The following SNAPC4 variants were observed in gnomAD, a reference collection of about 807,000 sequenced individuals.
SNAPC4 encodes snRNA-activating protein complex subunit 4.
SNAPC4 carries 127 observed loss-of-function variants against 151.3 expected under a neutral mutation model. That is an observed-to-expected ratio of 0.84 (90% CI 0.73 to 0.97). SNAPC4 has a LOEUF of 0.97. Ranked by LOEUF, SNAPC4 falls within the 50% of genes least tolerant of loss-of-function variation. SNAPC4 has a pLI of 0.00. For synonymous variants in SNAPC4, 1,002 were observed against 824.4 expected (o/e 1.22, Z -3.69); for missense variants, 2,186 against 1,935.0 (o/e 1.13, Z -2.43).
chr9:136,397,399 G>C (rs1327759980), intron 2 of SNAPC4, among the ~76,000 whole-genome samples: 1 of 151,522 alleles, frequency 6.6e-6, no homozygotes, highest in Non-Finnish European at 1.5e-5. Flanking sequence ...CCTCACCACA[G>C]GAGAAAGATA....
intron 10 of SNAPC4, among the ~76,000 whole-genome samples, chr9:136,391,296 G>A (rs1388155325): frequency 6.6e-6 from 1 of 152,134 alleles, no homozygotes; most frequent in African/African-American, 2.4e-5. Flanking sequence ...TTTGAAAAAT[G>A]GAGATTTTAT....
rs149344930 is a variant in SNAPC4, at chr9:136,383,623, C to T, written c.1546G>A (p.Val516Ile). 365 of 1,611,308 alleles carry T rather than the reference C, an allele frequency of 2.3e-4. 1 individual carries two copies. Among genetic ancestry groups the T allele is most frequent in the South Asian group, 3.5e-4 (32 of 90,964 alleles). ...RRRRRRARHSVRWSSTSSSGS... is the reference protein window; with the variant it reads ...RRRRRRARHSIRWSSTSSSGS... The stretch of plus-strand genomic sequence containing the variant: ...CTGCTGCTGGTAGAGCTCCACCGGA[C>T]GCTGTGACGGGCCCTCCGCCGCCGC... The change falls in exon 16 of 24, where the codon GTC becomes ATC. Residue 516 changes from valine (V) to isoleucine (I), a missense_variant. Physicochemically the swap from Val to Ile is conservative, Grantham distance 29 (BLOSUM62 3). Coordinates refer to ENST00000684778, the MANE Select transcript of SNAPC4 (RefSeq NM_003086.4). The surrounding 1 kb of genome is among the most constrained non-coding windows in gnomAD (Gnocchi z 4.2).
intron 2 of SNAPC4, among the ~76,000 whole-genome samples, 181 bp from the exon 3 acceptor site, chr9:136,397,204 G>A (rs918644532): frequency 7.9e-5 from 12 of 152,158 alleles, no homozygotes; most frequent in Non-Finnish European, 1.0e-4. Flanking sequence ...GACCAAGGCC[G>A]GGTTAGCCAG....
rs201265450 is a variant in SNAPC4 at position 136,381,966 on chromosome 9, C to A, written c.2175G>T (p.Gln725His). 4 of 1,611,882 alleles carry A rather than the reference C, an allele frequency of 2.5e-6. No individual in the cohort carries two copies. The highest frequency in any genetic ancestry group is 3.4e-6 in the Non-Finnish European group (4 of 1,179,866). Residue 725 changes from glutamine to histidine, a missense_variant, in exon 18 of 24, where the codon CAG becomes CAT. Coordinates refer to ENST00000684778, the MANE Select transcript of SNAPC4 (RefSeq NM_003086.4). The part of the protein sequence containing the change: ...HVQWLRHRAT[Q>H]SGQRRWRHAL... The stretch of plus-strand genomic sequence containing the variant: ...CGTGTCTCCAGCGCCGCTGCCCACT[C>A]TGGGTGGCTCTGTGCCGTAGCCACT...
Position 136,376,491 on chromosome 9 carries a change from A to C in SNAPC4, c.4285-10T>G. On this transcript the variant is annotated splice_polypyrimidine_tract_variant and intron_variant, in intron 22 of 23. Transcript: ENST00000684778. Reference sequence around the variant, plus strand: ...CAGAGTCTGGGGCTCCCTGAAAGAAAATCCAGGCAGTGGGGACAAGAGTGA... The same window carrying C: ...CAGAGTCTGGGGCTCCCTGAAAGAACATCCAGGCAGTGGGGACAAGAGTGA... 1 of 1,612,812 alleles carries C rather than the reference A, an allele frequency of 6.2e-7. No individual in the cohort carries two copies. Among genetic ancestry groups the C allele is most frequent in the South Asian group, 1.1e-5 (1 of 91,058 alleles).
At chr9:136,376,554 T>A in intron 22 of SNAPC4, 73 bp from the exon 23 acceptor site, 1 of 1,570,030 alleles carries the variant, frequency 6.4e-7, no homozygotes, top group East Asian at 2.3e-5. Flanking sequence ...GGGACGGGAG[T>A]GAGGAGGGGC....
intron 10 of SNAPC4, among the ~76,000 whole-genome samples, chr9:136,390,348 G>A (rs554015004): frequency 3.9e-4 from 59 of 152,206 alleles, no homozygotes; most frequent in African/African-American, 1.4e-3. Context: ...AACGTCAGGA[G>A]ACTGAGACCA....
chr9:136,381,203 C>G (rs777202305), intron 19 of SNAPC4, 119 bp downstream of exon 19: 28 of 820,764 alleles, frequency 3.4e-5, no homozygotes, highest in Non-Finnish European at 5.4e-5. Context: ...AGTGCATTTT[C>G]AAGGCTAGAA....
rs1833446680 is a variant in SNAPC4, at chr9:136,376,399, G to A, written c.4367C>T (p.Thr1456Ile). ...CTTCCGGGTGTGCCTGGCATGCCGGGTTCTGAGCACGTCCAGGTCGTCAGG... is the reference window on the plus strand; with the variant it reads ...CTTCCGGGTGTGCCTGGCATGCCGGATTCTGAGCACGTCCAGGTCGTCAGG... ...NDPDDLDVLR[T>I]RHARHTRKRR... Residue 1456 changes from threonine to isoleucine, a missense_variant, in exon 23 of 24, where the codon ACC becomes ATC. Thr to Ile is a moderately conservative substitution (Grantham distance 89). Coordinates refer to ENST00000684778, the MANE Select transcript of SNAPC4 (RefSeq NM_003086.4). 1.9e-6 allele frequency: 3 copies of A among 1,613,496 alleles called. No individual in the cohort carries two copies. The highest frequency in any genetic ancestry group is 2.5e-6 in the Non-Finnish European group (3 of 1,179,970).
intron 13 of SNAPC4, among the ~76,000 whole-genome samples, chr9:136,386,626 G>A (rs550395746): frequency 6.6e-6 from 1 of 151,932 alleles, no homozygotes; most frequent in East Asian, 1.9e-4. Flanking sequence ...TAGAGACGGG[G>A]TTTCTCCATG....
At chr9:136,394,420 G>T in intron 6 of SNAPC4, 90 bp from the exon 7 acceptor site, 1 of 1,226,622 alleles carries the variant, frequency 8.2e-7, no homozygotes, top group Non-Finnish European at 1.2e-6. Flanking sequence ...CGAGGCAGTG[G>T]TGGGGGGCCC....
chr9:136,376,508 C>G, intron 22 of SNAPC4, 27 bp from the exon 23 acceptor site: 1 of 1,611,582 alleles, frequency 6.2e-7, no homozygotes, highest in Non-Finnish European at 8.5e-7. Context: ...GCAGTGGGGA[C>G]AAGAGTGACA....
chr9:136,398,522 G>C lies in SNAPC4; in HGVS notation c.-9-85C>G, dbSNP rs534098199. 4 of 1,500,330 alleles carry C rather than the reference G, an allele frequency of 2.7e-6. No individual in the cohort carries two copies. The African/African-American group carries it at 4.2e-5, about 16-fold the overall frequency. The allele number at this position is 1,500,330 out of a possible 1,614,324, so 92.9% of individuals were successfully genotyped here. On this transcript the variant is annotated intron_variant, in intron 1 of 23. Transcript: ENST00000684778. ...CCTTCAGACACACCCGCCCATGGGG[G>C]ATGGCAGGAGCCTGCTCGGCAGTGG...
At chr9:136,381,682 G>A (rs1833697351) in intron 18 of SNAPC4, 142 bp downstream of exon 18, 1 of 1,031,652 alleles carries the variant, frequency 9.7e-7, no homozygotes, top group South Asian at 1.6e-5. Context: ...GGGACGGGAA[G>A]CTGACCAGAG....
chr9:136,381,773 C>T (rs763821453), intron 18 of SNAPC4, 51 bp downstream of exon 18: 5 of 1,573,184 alleles, frequency 3.2e-6, no homozygotes, highest in Non-Finnish European at 4.3e-6. Context: ...ATGTACTCTT[C>T]ATCCTCACCC....
chr9:136,390,114 G>A (rs1217020096), intron 10 of SNAPC4, among the ~76,000 whole-genome samples: 17 of 152,034 alleles, frequency 1.1e-4, no homozygotes, highest in Admixed American at 9.2e-4. Context: ...AAAGTAAAAC[G>A]GACTCGACAC....
At chr9:136,400,051 C>G (rs975875969) in intron 1 of SNAPC4, 83 bp downstream of exon 1, 1 of 152,136 alleles carries the variant, frequency 6.6e-6, no homozygotes, top group Non-Finnish European at 1.5e-5. Flanking sequence ...GCTATCCGCT[C>G]CTCGGGACAG....
chr9:136,384,898 G>A (rs1833839252), intron 13 of SNAPC4, 84 bp from the exon 14 acceptor site: 35 of 703,950 alleles, frequency 5.0e-5, no homozygotes, highest in Non-Finnish European at 8.2e-5. Context: ...ATGGTTTCTT[G>A]GATATGACAC....
chr9:136,385,440 G>A (rs1833857189), intron 13 of SNAPC4, among the ~76,000 whole-genome samples: 1 of 152,194 alleles, frequency 6.6e-6, no homozygotes. Context: ...ATAGCTGAGA[G>A]AAATAAACAG....
Sources: allele counts gnomAD v4.1 joint callset (sites outside exome capture counted in the v4.1 genomes callset), GRCh38; gene constraint gnomAD v4.1.1; non-coding constraint Gnocchi (gnomAD v3.1); transcripts MANE v1.5; gene names NCBI Gene and HGNC (gene_info 2026-07-23, HGNC 2026-07-21).